SRSF1: variants seen among roughly 807,000 people sequenced by gnomAD.
SRSF1 encodes serine and arginine rich splicing factor 1, also known as serine/arginine-rich splicing factor 1.
In SRSF1, 1 loss-of-function variant was observed where a neutral mutation model predicts 25.9. That is an observed-to-expected ratio of 0.04 (90% CI 0.01 to 0.18). The LOEUF (loss-of-function observed/expected upper bound fraction) is 0.18, where lower values mean the gene tolerates loss of function less well. SRSF1 is among the 10% of genes least tolerant of loss of function. SRSF1 has a pLI of 1.00. For synonymous variants in SRSF1, 132 were observed against 126.2 expected (o/e 1.05, Z -0.31); for missense variants, 65 against 350.5 (o/e 0.19, Z 6.50).
chr17:58,002,362 AT>A lies in SRSF1; in HGVS notation c.*3043del, dbSNP rs2075397727. The stretch of plus-strand genomic sequence containing the variant: ...CTTACACATTTCTTCCACTACCAAG[AT>A]TTCTGGTTTTCCTTAGGTTTTTAAT... On this transcript the variant is annotated 3_prime_UTR_variant, in exon 4 of 4. Transcript: ENST00000258962. Among the ~76,000 whole-genome samples, 1 of 152,196 alleles carries A rather than the reference AT, an allele frequency of 6.6e-6. No homozygotes were observed. Among genetic ancestry groups the A allele is most frequent in the Non-Finnish European group, 1.5e-5 (1 of 68,030 alleles).
the SRSF1 span, chr17:57,989,442 C>T: frequency 2.5e-6 from 1 of 397,506 alleles, no homozygotes; most frequent in East Asian, 3.6e-5. Flanking sequence ...TTTCCAAAAC[C>T]AACTGAATCT....
At chr17:57,989,803 T>C in the SRSF1 span, 2 of 398,502 alleles carry the variant, frequency 5.0e-6, no homozygotes, top group African/African-American at 4.1e-5. Flanking sequence ...CAGCCTAAGA[T>C]AGGAGGGGAC....
rs1426131968 is a variant in SRSF1 at position 58,001,376 on chromosome 17, A to G, written c.*4030T>C. On this transcript the variant is annotated 3_prime_UTR_variant, in exon 4 of 4. Transcript: ENST00000258962. ...CATAAAACTTAGGAAAAATCATTTT[A>G]CGGGGAATCTATTCATATTCCAAAC... Among the ~76,000 whole-genome samples, 1 of 152,190 alleles carries G rather than the reference A, an allele frequency of 6.6e-6. No homozygotes were observed. Among genetic ancestry groups the G allele is most frequent in the African/African-American group, 2.4e-5 (1 of 41,448 alleles).
chr17:58,005,621 T>A lies in SRSF1; in HGVS notation c.553-21A>T. 2.5e-6 allele frequency: 4 copies of A among 1,612,648 alleles called. No individual in the cohort carries two copies. Among genetic ancestry groups the A allele is most frequent in the Non-Finnish European group, 3.4e-6 (4 of 1,178,798 alleles). ...TCTCCCTATTGGATAGACAGAACTT[T>A]CCATTGAAAGATCTAAGCTTTCATC... On this transcript the variant is annotated intron_variant, in intron 3 of 3. Coordinates refer to ENST00000258962, the MANE Select transcript of SRSF1 (RefSeq NM_006924.5). The surrounding 1 kb of genome is among the most constrained non-coding windows in gnomAD (Gnocchi z 5.2).
At position 58,003,432 on chromosome 17, in the gene SRSF1, A is replaced by C. The variant is rs1045869281; in HGVS notation, c.*1974T>G. ...AAAATCTTATCTTACTTAACAATTT[A>C]AAGATTAACTGATAGACCCAGTTAG... On this transcript the variant is annotated 3_prime_UTR_variant, in exon 4 of 4. Transcript: ENST00000258962. 6.6e-6 allele frequency: 1 copy of C among 152,256 alleles called. No individual in the cohort carries two copies. The highest frequency in any genetic ancestry group is 2.4e-5 in the African/African-American group (1 of 41,468). The allele number at this position is 152,256 out of a possible 1,614,324, so 9.4% of individuals were successfully genotyped here. A position where few individuals can be genotyped will look rare whatever the true frequency, so the allele number is the denominator to read the frequency against.
chr17:57,996,642 G>A (rs1196505649), downstream of SRSF1, among the ~76,000 whole-genome samples: 5 of 152,022 alleles, frequency 3.3e-5, no homozygotes, highest in Non-Finnish European at 7.4e-5. Flanking sequence ...AAGAAACAAC[G>A]CAATTAGTTC....
chr17:57,997,943 G>A (rs981450690), downstream of SRSF1, among the ~76,000 whole-genome samples: 50 of 152,152 alleles, frequency 3.3e-4, no homozygotes, highest in Admixed American at 1.3e-4. Context: ...AGCCAGGTGC[G>A]CTGGCTCACA....
At position 58,002,158 on chromosome 17, in the gene SRSF1, A is replaced by G. The variant is rs2075395814; in HGVS notation, c.*3248T>C. On this transcript the variant is annotated 3_prime_UTR_variant, in exon 4 of 4. Coordinates refer to ENST00000258962, the MANE Select transcript of SRSF1 (RefSeq NM_006924.5). ...TCTTAGAATTTCAAGAATGTCATGTAAAATTATTCAAATTTTTAAACAGTA... is the reference window on the plus strand; with the variant it reads ...TCTTAGAATTTCAAGAATGTCATGTGAAATTATTCAAATTTTTAAACAGTA... 6.6e-6 allele frequency among the ~76,000 whole-genome samples: 1 copy of G among 152,222 alleles called. No individual in the cohort carries two copies. The highest frequency in any genetic ancestry group is 1.5e-5 in the Non-Finnish European group (1 of 68,042).
chr17:57,990,763 C>CT, the SRSF1 span: 29 of 152,312 alleles, frequency 1.9e-4, no homozygotes, highest in African/African-American at 6.7e-4. Flanking sequence ...AATAAAGCAT[C>CT]TAAGCCAAAA....
intron 1 of SRSF1, 70 bp downstream of exon 1, chr17:58,006,874 T>A (rs2075433658): frequency 6.4e-7 from 1 of 1,557,718 alleles, no homozygotes; most frequent in Non-Finnish European, 8.8e-7. Context: ...TTCTCTATGT[T>A]AAGGCCTTGG....
Position 58,004,718 on chromosome 17 carries a change from C to T in SRSF1, c.*688G>A. ...TAAAACAAAAATGGGGGGAAGGGAG[C>T]AAAATAAGTTGCTACAAAATGGGCA... On this transcript the variant is annotated 3_prime_UTR_variant, in exon 4 of 4. Transcript: ENST00000258962. 2.8e-6 allele frequency: 1 copy of T among 352,276 alleles called. No homozygotes were observed. The highest frequency in any genetic ancestry group is 5.1e-6 in the Non-Finnish European group (1 of 196,834). The allele number at this position is 352,276 out of a possible 1,614,324, so 21.8% of individuals were successfully genotyped here.
downstream of SRSF1, among the ~76,000 whole-genome samples, chr17:57,997,648 C>T (rs1382366189): frequency 6.6e-6 from 1 of 152,128 alleles, no homozygotes; most frequent in Non-Finnish European, 1.5e-5. Flanking sequence ...TTTAACACTT[C>T]AGTAATATGA....
At chr17:57,998,577 A>T (rs983066930), downstream of SRSF1, among the ~76,000 whole-genome samples, 2 of 152,186 alleles carry the variant, frequency 1.3e-5, no homozygotes, top group Non-Finnish European at 2.9e-5. Flanking sequence ...AAAGTTATTT[A>T]AAAATTATCA....
downstream of SRSF1, among the ~76,000 whole-genome samples, chr17:57,999,286 A>G (rs2075376545): frequency 6.6e-6 from 1 of 152,228 alleles, no homozygotes; most frequent in African/African-American, 2.4e-5. Flanking sequence ...CTTCTAGTTC[A>G]TAACCAAATT....
chr17:58,001,267 CAAG>C lies in SRSF1; in HGVS notation c.*4136_*4138del, dbSNP rs2075388150. On this transcript the variant is annotated 3_prime_UTR_variant, in exon 4 of 4. Transcript: ENST00000258962. ...ACAATGTTTCAAAGACAACAAACACCAAGAAAAGTTGAGATTCTACAATAAATC... is the reference window on the plus strand; with the variant it reads ...ACAATGTTTCAAAGACAACAAACACCAAAAGTTGAGATTCTACAATAAATC... Among the ~76,000 whole-genome samples the C allele has an allele frequency of 6.6e-6, 1 of 151,964 alleles. No individual in the cohort carries two copies. Among genetic ancestry groups the C allele is most frequent in the African/African-American group, 2.4e-5 (1 of 41,392 alleles).
chr17:57,999,903 G>T (rs565234536), downstream of SRSF1, among the ~76,000 whole-genome samples: 37 of 152,196 alleles, frequency 2.4e-4, no homozygotes, highest in South Asian at 2.7e-3. Context: ...AAGTTGTCTG[G>T]TAACAGAAGT....
chr17:57,996,496 A>AAAAAAAAC (rs2075365777), downstream of SRSF1, among the ~76,000 whole-genome samples: 1 of 150,872 alleles, frequency 6.6e-6, no homozygotes, highest in Non-Finnish European at 1.5e-5. Context: ...AAAAAAAAAA[A>AAAAAAAAC]AAAAAAACAG....
chr17:58,006,088 A>C, intron 2 of SRSF1, 115 bp from the exon 3 acceptor site: 1 of 1,049,446 alleles, frequency 9.5e-7, no homozygotes, highest in South Asian at 1.6e-5. Flanking sequence ...TACTTAAGTG[A>C]TACCAGGTAA....
downstream of SRSF1, among the ~76,000 whole-genome samples, chr17:57,996,483 T>TAAAAAA (rs10677825): frequency 0.4 from 29,185 of 72,212 alleles, 7,774 homozygotes; most frequent in East Asian, 0.72. Context: ...GACACTGTCT[T>TAAAAAA]AAAAAAAAAA....
Sources: allele counts gnomAD v4.1 joint callset (sites outside exome capture counted in the v4.1 genomes callset), GRCh38; gene constraint gnomAD v4.1.1; non-coding constraint Gnocchi (gnomAD v3.1); transcripts MANE v1.5; gene names NCBI Gene and HGNC (gene_info 2026-07-23, HGNC 2026-07-21).